The following MYH15 variants were observed in gnomAD, a reference collection of about 807,000 sequenced individuals.
MYH15 encodes the protein myosin-15.
Under a neutral mutation model 240.5 loss-of-function variants are expected in MYH15, and 227 were observed. The ratio of observed to expected loss-of-function variants is 0.94; its 90% CI spans 0.85 to 1.05. The LOEUF is 1.05. Ranked by LOEUF, MYH15 falls within the 50% of genes least tolerant of loss-of-function variation. MYH15 has a pLI of 0.00. For synonymous variants in MYH15, 785 were observed against 796.7 expected, an observed-to-expected ratio of 0.99 and a Z score of 0.25; for missense variants, 2,217 against 2,247.5, an observed-to-expected ratio of 0.99 and a Z score of 0.27.
At chr3:108,501,900 T>C (rs912742658) in intron 2 of MYH15, 45 bp from the exon 3 acceptor site, 17 of 1,573,250 alleles carry the variant, frequency 1.1e-5, no homozygotes, top group Non-Finnish European at 1.5e-5. Context: ...CTGTCTCCTA[T>C]GCGTATTCAT....
chr3:108,428,696 C>A lies in MYH15; in HGVS notation c.3498G>T (p.Leu1166=), dbSNP rs61745179. The part of the protein sequence containing the change: ...TKKQETKFQK[L]HRDMEEATLH... The stretch of plus-strand genomic sequence containing the variant: ...GAGTGGCCTCTTCCATGTCTCGGTG[C>A]AGCTTCTGGAATTTGGTTTCCTGTT... The change falls in exon 27 of 41, where the codon CTG becomes CTT. Residue 1166 remains leucine (L), a synonymous_variant. Coordinates refer to ENST00000693548, the MANE Select transcript of MYH15 (RefSeq NM_014981.3). 122,308 of 1,613,608 alleles carry A rather than the reference C, an allele frequency of 0.076. 4,952 individuals carry two copies. Among genetic ancestry groups the A allele is most frequent in the Middle Eastern group, 0.11 (665 of 6,062 alleles).
intron 14 of MYH15, among the ~76,000 whole-genome samples, chr3:108,467,728 A>G (rs1311631044): frequency 6.6e-6 from 1 of 152,202 alleles, no homozygotes; most frequent in Non-Finnish European, 1.5e-5. Context: ...AAATCTCTTT[A>G]CCAATGCCTT....
intron 40 of MYH15, 138 bp from the exon 41 acceptor site, chr3:108,381,697 G>A: frequency 1.1e-6 from 1 of 928,312 alleles, no homozygotes; most frequent in Non-Finnish European, 1.8e-6. Flanking sequence ...AAGGGAGGCA[G>A]GGAATTGAGG....
At chr3:108,393,385 G>A (rs1343839085) in intron 36 of MYH15, among the ~76,000 whole-genome samples, 4 of 152,124 alleles carry the variant, frequency 2.6e-5, no homozygotes, top group South Asian at 2.1e-4. Context: ...GGTACCTTCC[G>A]CTAACCATGC....
At chr3:108,434,922 T>C (rs1227040117) in intron 25 of MYH15, among the ~76,000 whole-genome samples, 1 of 152,248 alleles carries the variant, frequency 6.6e-6, no homozygotes, top group Non-Finnish European at 1.5e-5. Flanking sequence ...AATAGATTAC[T>C]ATTTCATTGT....
intron 12 of MYH15, 35 bp downstream of exon 12, chr3:108,476,362 C>A: frequency 1.6e-6 from 2 of 1,247,184 alleles, no homozygotes; most frequent in South Asian, 2.4e-5. Context: ...ATTGGAAGAT[C>A]ATAGAATAAT....
At chr3:108,546,165 A>G in the MYH15 span, among the ~76,000 whole-genome samples, 2 of 152,196 alleles carry the variant, frequency 1.3e-5, no homozygotes, top group Non-Finnish European at 2.9e-5. Context: ...TAAAATGCTG[A>G]TTAACTGTGG....
chr3:108,527,448 C>T (rs2083681213), intron 1 of MYH15, among the ~76,000 whole-genome samples: 1 of 152,100 alleles, frequency 6.6e-6, no homozygotes, highest in African/African-American at 2.4e-5. Flanking sequence ...CCTTCACCAC[C>T]TCTCATTGTA....
At chr3:108,421,820 C>A (rs886658482) in intron 27 of MYH15, among the ~76,000 whole-genome samples, 1 of 152,210 alleles carries the variant, frequency 6.6e-6, no homozygotes, top group African/African-American at 2.4e-5. Flanking sequence ...ACTGTACCCT[C>A]CTGATCACTA....
chr3:108,447,291 CA>C (rs2082936399), intron 21 of MYH15, among the ~76,000 whole-genome samples: 1 of 151,974 alleles, frequency 6.6e-6, no homozygotes, highest in Admixed American at 6.6e-5. Flanking sequence ...GAAAGAGAAA[CA>C]GAAAGCTTAT....
chr3:108,396,206 G>C (rs1473878295), intron 35 of MYH15, among the ~76,000 whole-genome samples: 4 of 152,088 alleles, frequency 2.6e-5, no homozygotes, highest in Non-Finnish European at 5.9e-5. Flanking sequence ...CATCATATTG[G>C]ATCCCACTGG....
intron 32 of MYH15, 91 bp downstream of exon 32, chr3:108,408,189 C>G (rs546399933): frequency 7.3e-7 from 1 of 1,377,876 alleles, no homozygotes; most frequent in African/African-American, 1.5e-5. Flanking sequence ...CATTTGAATA[C>G]GTGTCCTTTT....
chr3:108,430,925 GT>G lies in MYH15; in HGVS notation c.3222-4del. ...TCTGACTCAATTCTAATTCTTTTCTGTTTAGAAAAAGATATCAAATACAATT... is the reference window on the plus strand; with the variant it reads ...TCTGACTCAATTCTAATTCTTTTCTGTTAGAAAAAGATATCAAATACAATT... On this transcript the variant is annotated splice_region_variant and splice_polypyrimidine_tract_variant and intron_variant, in intron 25 of 40. Transcript: ENST00000693548. The G allele has an allele frequency of 6.3e-7, 1 of 1,588,346 alleles. No individual in the cohort carries two copies. The highest frequency in any genetic ancestry group is 8.6e-7 in the Non-Finnish European group (1 of 1,159,302).
intron 21 of MYH15, among the ~76,000 whole-genome samples, chr3:108,445,454 G>A (rs1254040452): frequency 6.6e-6 from 1 of 151,920 alleles, no homozygotes; most frequent in Non-Finnish European, 1.5e-5. Flanking sequence ...TACCACTGAA[G>A]TATTTAAGGT....
intron 31 of MYH15, among the ~76,000 whole-genome samples, chr3:108,410,313 G>C (rs1489654244): frequency 6.6e-6 from 1 of 152,086 alleles, no homozygotes; most frequent in Non-Finnish European, 1.5e-5. Flanking sequence ...GGAAAATCTT[G>C]GTACGGTTGT....
At chr3:108,448,018 A>T (rs973203519) in intron 21 of MYH15, among the ~76,000 whole-genome samples, 1 of 152,260 alleles carries the variant, frequency 6.6e-6, no homozygotes, top group African/African-American at 2.4e-5. Flanking sequence ...GTTGAAGTTA[A>T]ACTATTGCCA....
Position 108,465,744 on chromosome 3 carries a change from C to T in MYH15, c.1555-930G>A, listed in dbSNP as rs1322178378. Among the ~76,000 whole-genome samples the T allele has an allele frequency of 3.3e-5, 5 of 152,040 alleles. No individual in the cohort carries two copies. The East Asian group carries it at 5.8e-4, about 18-fold the overall frequency. On this transcript the variant is annotated intron_variant, in intron 14 of 40. Transcript: ENST00000693548. ...GAGTTCGAGACCAGCCTGGCCAACACGGTAAAATCCTGTCTCTAGTAAAAA... is the reference window on the plus strand; with the variant it reads ...GAGTTCGAGACCAGCCTGGCCAACATGGTAAAATCCTGTCTCTAGTAAAAA...
intron 30 of MYH15, among the ~76,000 whole-genome samples, chr3:108,413,998 C>T (rs1465765123): frequency 6.6e-6 from 1 of 152,150 alleles, no homozygotes; most frequent in Non-Finnish European, 1.5e-5. Context: ...CCTTTCTCTC[C>T]CCAGGACCTC....
chr3:108,510,298 T>C, intron 1 of MYH15, 145 bp downstream of exon 1: 2 of 1,059,158 alleles, frequency 1.9e-6, no homozygotes, highest in East Asian at 2.5e-5. Flanking sequence ...AGGCCCTCAA[T>C]TGCTCAGTTT....
Sources: allele counts gnomAD v4.1 joint callset (sites outside exome capture counted in the v4.1 genomes callset), GRCh38; gene constraint gnomAD v4.1.1; transcripts MANE v1.5; gene names NCBI Gene and HGNC (gene_info 2026-07-23, HGNC 2026-07-21).